SNRPN: variants seen among roughly 807,000 people sequenced by gnomAD.
SNRPN encodes small nuclear ribonucleoprotein polypeptide N.
Under a neutral mutation model 25.2 loss-of-function variants are expected in SNRPN, and 7 were observed. That is an observed-to-expected ratio of 0.28 (90% CI 0.16 to 0.52). SNRPN has a LOEUF of 0.52. Ranked by LOEUF, SNRPN falls within the 20% of genes least tolerant of loss-of-function variation. SNRPN has a pLI of 0.96. For synonymous variants in SNRPN, 124 were observed against 110.6 expected, an observed-to-expected ratio of 1.12 and a Z score of -0.76; for missense variants, 196 against 322.5, an observed-to-expected ratio of 0.61 and a Z score of 3.00.
intron 1 of SNRPN, among the ~76,000 whole-genome samples, chr15:24,880,465 A>G (rs1489895814): frequency 6.6e-6 from 1 of 152,148 alleles, no homozygotes; most frequent in African/African-American, 2.4e-5. Context: ...ATTAAAATTC[A>G]TCACCAATTT....
At chr15:24,880,648 T>C (rs2056488924) in intron 1 of SNRPN, among the ~76,000 whole-genome samples, 1 of 152,198 alleles carries the variant, frequency 6.6e-6, no homozygotes, top group Non-Finnish European at 1.5e-5. Context: ...TGATGAATTT[T>C]TTAATTGAAG....
At chr15:24,856,871 A>C (rs1198299624) in intron 1 of SNRPN, among the ~76,000 whole-genome samples, 1 of 152,220 alleles carries the variant, frequency 6.6e-6, no homozygotes, top group African/African-American at 2.4e-5. Context: ...TTTTGTATTT[A>C]AAAATACATT....
chr15:24,909,033 T>G (rs558095471), intron 2 of SNRPN: 1 of 1,429,230 alleles, frequency 7.0e-7, no homozygotes, highest in East Asian at 2.3e-5. Flanking sequence ...TTCCACCTCT[T>G]CTTTTTAACT....
At chr15:24,861,565 C>G (rs1360917920) in intron 1 of SNRPN, among the ~76,000 whole-genome samples, 6 of 152,166 alleles carry the variant, frequency 3.9e-5, no homozygotes, top group Non-Finnish European at 8.8e-5. Flanking sequence ...TTTAGAAACA[C>G]TGTAAACTAA....
chr15:24,905,508 CAAA>C (rs11341629), intron 2 of SNRPN, among the ~76,000 whole-genome samples: 29 of 122,258 alleles, frequency 2.4e-4, no homozygotes, highest in Admixed American at 5.1e-4. Flanking sequence ...GACTCCATCT[CAAA>C]AAAAAAAAAA....
chr15:24,871,303 C>A (rs576341370), intron 1 of SNRPN, among the ~76,000 whole-genome samples: 1 of 151,822 alleles, frequency 6.6e-6, no homozygotes, highest in Non-Finnish European at 1.5e-5. Flanking sequence ...TTTTTATTAC[C>A]CTAAAGAAAT....
At chr15:24,898,691 ACT>A (rs2058245210) in intron 2 of SNRPN, among the ~76,000 whole-genome samples, 1 of 152,168 alleles carries the variant, frequency 6.6e-6, no homozygotes, top group Non-Finnish European at 1.5e-5. Flanking sequence ...GTTATTACAA[ACT>A]CAACTATCAA....
rs200650114 is a variant in SNRPN at position 24,976,410 on chromosome 15, C to T, written c.261C>T (p.Pro87=). The T allele has an allele frequency of 6.4e-5, 103 of 1,604,680 alleles. 2 individuals carry two copies. In the South Asian group the frequency reaches 1.0e-3, roughly 16 times the overall value. The part of the protein sequence containing the change: ...LVSMTVEGPP[P]KDTGIARVPL... ...CCATGACTGTGGAGGGGCCACCCCC[C>T]AAAGATGTAAGGAAGATGTAGGGCA... Residue 87 remains proline, a synonymous_variant, in exon 6 of 10, where the codon CCC becomes CCT. Transcript: ENST00000390687.
chr15:24,925,187 T>C (rs1314206343), intron 3 of SNRPN, among the ~76,000 whole-genome samples: 2 of 152,192 alleles, frequency 1.3e-5, no homozygotes, highest in Non-Finnish European at 2.9e-5. Flanking sequence ...AAAATATTGA[T>C]GCCTCCAAAT....
At chr15:24,840,887 C>T (rs1487168026) in intron 2 of SNRPN, among the ~76,000 whole-genome samples, 1 of 152,120 alleles carries the variant, frequency 6.6e-6, no homozygotes, top group Non-Finnish European at 1.5e-5. Flanking sequence ...TGCTCTGTCA[C>T]CCAGGCTGAC....
At chr15:24,954,029 A>G (rs1346257155), upstream of SNRPN, among the ~76,000 whole-genome samples, 1 of 152,188 alleles carries the variant, frequency 6.6e-6, no homozygotes, top group Non-Finnish European at 1.5e-5. Context: ...ATAATGGGCA[A>G]TTGAGAAAGG....
chr15:24,913,864 A>G (rs912039354), intron 2 of SNRPN, among the ~76,000 whole-genome samples: 9 of 152,238 alleles, frequency 5.9e-5, no homozygotes, highest in African/African-American at 1.9e-4. Flanking sequence ...TCCAGCATAT[A>G]TAGCATCTTC....
chr15:24,942,317 C>T (rs976993860), intron 3 of SNRPN: 1 of 152,204 alleles, frequency 6.6e-6, no homozygotes, highest in Non-Finnish European at 1.5e-5. Context: ...ATATATTGGA[C>T]ACTGACTCAG....
At chr15:24,892,260 G>A (rs944341474) in intron 2 of SNRPN, among the ~76,000 whole-genome samples, 7 of 152,136 alleles carry the variant, frequency 4.6e-5, no homozygotes, top group Non-Finnish European at 1.0e-4. Flanking sequence ...ACAGCAGGGT[G>A]GACTAAAGTT....
intron 1 of SNRPN, among the ~76,000 whole-genome samples, chr15:24,959,936 T>A (rs1278365143): frequency 6.6e-6 from 1 of 152,032 alleles, no homozygotes; most frequent in African/African-American, 2.4e-5. Flanking sequence ...AGTATGAGAG[T>A]AGTGGTAGCT....
chr15:24,857,111 GT>G (rs1448952697), intron 1 of SNRPN, among the ~76,000 whole-genome samples: 2 of 152,182 alleles, frequency 1.3e-5, no homozygotes, highest in African/African-American at 4.8e-5. Flanking sequence ...AATAAAGGCT[GT>G]GATTATTTGC....
chr15:24,844,121 G>A (rs2144067126), intron 2 of SNRPN, among the ~76,000 whole-genome samples: 1 of 149,334 alleles, frequency 6.7e-6, no homozygotes, highest in African/African-American at 2.5e-5. Flanking sequence ...GTGTGTTTGT[G>A]TGTGTCTGTA....
intron 1 of SNRPN, among the ~76,000 whole-genome samples, chr15:24,867,941 T>G (rs2054732594): frequency 6.6e-6 from 1 of 152,122 alleles, no homozygotes; most frequent in Admixed American, 6.5e-5. Flanking sequence ...AGCATATCAT[T>G]ATATTTTCTT....
intron 2 of SNRPN, among the ~76,000 whole-genome samples, chr15:24,912,171 T>G (rs2059258386): frequency 6.6e-6 from 1 of 152,176 alleles, no homozygotes; most frequent in South Asian, 2.1e-4. Flanking sequence ...GTTTTTGCCA[T>G]GGGGTCGAGC....
Sources: gnomAD v4.1 joint callset for allele counts (sites outside exome capture counted in the v4.1 genomes callset) on GRCh38, gnomAD v4.1.1 for gene constraint, MANE v1.5 for transcripts, NCBI Gene and HGNC (gene_info 2026-07-23, HGNC 2026-07-21) for gene names.